Variants in WRN observed in about 807,000 individuals in gnomAD.
The protein encoded by WRN is WRN RecQ like helicase, also known as bifunctional 3'-5' exonuclease/ATP-dependent helicase WRN.
WRN carries 149 observed loss-of-function variants against 180.7 expected under a neutral mutation model. That is an observed-to-expected ratio of 0.82 (90% CI 0.72 to 0.94). The LOEUF is 0.94. Among genes scored for constraint, WRN ranks in the 40% least tolerant of loss-of-function variants. The pLI is 0.00. For synonymous variants in WRN, 548 were observed against 568.9 expected (o/e 0.96, Z 0.52); for missense variants, 1,661 against 1,700.1 (o/e 0.98, Z 0.40).
chr8:31,038,717 T>A (rs191214130), intron 1 of WRN, among the ~76,000 whole-genome samples: 1 of 152,224 alleles, frequency 6.6e-6, no homozygotes, highest in Non-Finnish European at 1.5e-5. Flanking sequence ...TAAATTCTTG[T>A]ATATTAGTGT....
At chr8:31,094,800 G>A (rs1260632160) in intron 16 of WRN, among the ~76,000 whole-genome samples, 1 of 151,888 alleles carries the variant, frequency 6.6e-6, no homozygotes, top group Non-Finnish European at 1.5e-5. Context: ...TACTTCATTC[G>A]GTCTTTTTTT....
chr8:31,085,295 A>G (rs755530351), intron 11 of WRN, 49 bp downstream of exon 11: 19 of 1,601,896 alleles, frequency 1.2e-5, no homozygotes, highest in East Asian at 4.5e-5. Flanking sequence ...TCCAAAGGAC[A>G]TTTAATTAAG....
Position 31,150,603 on chromosome 8 carries a change from C to T in WRN, c.3687+148C>T, listed in dbSNP as rs7002552. ...AATGAATTAAAATTGTTTTTACAGTCAATCTGTTGTAAAAACATGTCAGTT... is the reference window on the plus strand; with the variant it reads ...AATGAATTAAAATTGTTTTTACAGTTAATCTGTTGTAAAAACATGTCAGTT... On this transcript the variant is annotated intron_variant, in intron 31 of 34. Coordinates refer to ENST00000298139, the MANE Select transcript of WRN (RefSeq NM_000553.6). The T allele has an allele frequency of 2.7e-4, 193 of 712,102 alleles. No homozygotes were observed. In the African/African-American group the frequency reaches 3.2e-3, roughly 12 times the overall value. The allele number at this position is 712,102 out of a possible 1,614,324, so 44.1% of individuals were successfully genotyped here.
intron 9 of WRN, among the ~76,000 whole-genome samples, 188 bp downstream of exon 9, chr8:31,081,484 A>G (rs1215496078): frequency 6.6e-6 from 1 of 152,242 alleles, no homozygotes; most frequent in African/African-American, 2.4e-5. Flanking sequence ...CCTGTCTTTC[A>G]ATAAAACTTT....
chr8:31,062,614 A>G (rs1047478406), intron 3 of WRN, among the ~76,000 whole-genome samples: 1 of 151,820 alleles, frequency 6.6e-6, no homozygotes, highest in Admixed American at 6.6e-5. Context: ...GGTTTTTGCC[A>G]TGTTGCCCAG....
chr8:31,088,770 C>T, intron 12 of WRN, 120 bp from the exon 13 acceptor site: 1 of 828,486 alleles, frequency 1.2e-6, no homozygotes, highest in South Asian at 1.5e-5. Context: ...AAATAGAAAA[C>T]ATTAACCCAT....
rs781773383 is a variant in WRN at position 31,076,232 on chromosome 8, A to G, written c.784A>G (p.Met262Val). 1.2e-5 allele frequency: 19 copies of G among 1,613,778 alleles called. No homozygotes were observed. Among genetic ancestry groups the G allele is most frequent in the Non-Finnish European group, 8.5e-7 (1 of 1,179,922 alleles). Residue 262 changes from methionine to valine, a missense_variant, in exon 8 of 35, where the codon ATG becomes GTG. Coordinates refer to ENST00000298139, the MANE Select transcript of WRN (RefSeq NM_000553.6). ...GTTGACTTCAATCTCTGAGGAAGTG[A>G]TGGATCTGGCTAAGCATCTTCCTCA... ...KQLTSISEEVMDLAKHLPHAF... is the reference protein window; with the variant it reads ...KQLTSISEEVVDLAKHLPHAF...
chr8:31,168,828 A>AT (rs1280242563), intron 34 of WRN, among the ~76,000 whole-genome samples: 2 of 152,266 alleles, frequency 1.3e-5, no homozygotes, highest in South Asian at 2.1e-4. Flanking sequence ...ATTAGAACAA[A>AT]TTCTTTTTAT....
chr8:31,117,853 C>G (rs547755529), intron 20 of WRN, among the ~76,000 whole-genome samples: 1 of 152,166 alleles, frequency 6.6e-6, no homozygotes, highest in Non-Finnish European at 1.5e-5. Context: ...ATAAGAATAC[C>G]ATTCACAGCT....
intron 27 of WRN, among the ~76,000 whole-genome samples, 168 bp downstream of exon 27, chr8:31,142,869 T>A (rs1338402531): frequency 6.6e-6 from 1 of 152,152 alleles, no homozygotes; most frequent in Non-Finnish European, 1.5e-5. Context: ...TTATTGTATA[T>A]AATTTCTGGG....
At chr8:31,149,567 T>G (rs1202126661) in intron 30 of WRN, among the ~76,000 whole-genome samples, 4 of 125,312 alleles carry the variant, frequency 3.2e-5, no homozygotes, top group Non-Finnish European at 6.4e-5. Context: ...CTCCGCCTCC[T>G]GGGTTCAAGC....
intron 7 of WRN, among the ~76,000 whole-genome samples, chr8:31,074,469 G>C (rs532897750): frequency 1.3e-5 from 2 of 152,288 alleles, no homozygotes; most frequent in Non-Finnish European, 2.9e-5. Context: ...GAAGTTCTCT[G>C]AGTAATAGGA....
intron 1 of WRN, among the ~76,000 whole-genome samples, chr8:31,034,191 C>T (rs1173276818): frequency 1.3e-5 from 2 of 152,140 alleles, no homozygotes; most frequent in Non-Finnish European, 2.9e-5. Context: ...AAAGTGTTTC[C>T]CCGCCCCTGA....
chr8:31,069,968 T>C (rs1254866029), intron 7 of WRN, among the ~76,000 whole-genome samples: 1 of 152,108 alleles, frequency 6.6e-6, no homozygotes, highest in Non-Finnish European at 1.5e-5. Context: ...AAGTAACATA[T>C]ATTAATAACA....
At chr8:31,167,349 GTGC>G in intron 34 of WRN, 119 bp downstream of exon 34, 1 of 839,888 alleles carries the variant, frequency 1.2e-6, no homozygotes, top group South Asian at 1.7e-5. Context: ...CTTTCTCTAT[GTGC>G]TACATTTCCT....
intron 21 of WRN, 22 bp from the exon 22 acceptor site, chr8:31,124,500 C>T (rs1801843141): frequency 6.4e-7 from 1 of 1,566,038 alleles, no homozygotes; most frequent in Non-Finnish European, 8.8e-7. Context: ...TTACATATTC[C>T]TGTGATGTTT....
At chr8:31,137,840 TG>T (rs148556366) in intron 24 of WRN, among the ~76,000 whole-genome samples, 2,189 of 152,260 alleles carry the variant, frequency 0.014, 40 homozygotes, top group African/African-American at 0.048. Flanking sequence ...CATTTATGCC[TG>T]TAATCCCAGC....
chr8:31,105,083 T>C (rs541085744), intron 18 of WRN, among the ~76,000 whole-genome samples: 1 of 125,728 alleles, frequency 8.0e-6, no homozygotes, highest in East Asian at 2.3e-4. Flanking sequence ...TCACAGAGTT[T>C]GGTTGGAGCA....
chr8:31,153,180 T>A (rs1803209608), intron 31 of WRN, among the ~76,000 whole-genome samples: 1 of 152,228 alleles, frequency 6.6e-6, no homozygotes, highest in Non-Finnish European at 1.5e-5. Context: ...ATGAATTTCC[T>A]TTCTAATATA....
Sources: allele counts gnomAD v4.1 joint callset (sites outside exome capture counted in the v4.1 genomes callset), GRCh38; gene constraint gnomAD v4.1.1; transcripts MANE v1.5; gene names NCBI Gene and HGNC (gene_info 2026-07-23, HGNC 2026-07-21).